NELL2: variants seen among roughly 807,000 people sequenced by gnomAD.
The protein encoded by NELL2 is protein kinase C-binding protein NELL2.
Under a neutral mutation model 109.6 loss-of-function variants are expected in NELL2, and 41 were observed. The ratio of observed to expected loss-of-function variants is 0.37; its 90% CI spans 0.29 to 0.49. The LOEUF is 0.49. Ranked by LOEUF, NELL2 falls within the 20% of genes least tolerant of loss-of-function variation. The probability of loss-of-function intolerance (pLI) is 0.98; values close to 1 mark genes in which losing one functional copy is unlikely to be tolerated. For missense variants in NELL2, 900 were observed against 1,008.3 expected (o/e 0.89, Z 1.45); for synonymous variants, 355 against 344.7 (o/e 1.03, Z -0.33).
chr12:44,585,955 C>T (rs1329700354), intron 15 of NELL2, among the ~76,000 whole-genome samples: 3 of 150,578 alleles, frequency 2.0e-5, no homozygotes, highest in Non-Finnish European at 4.4e-5. Context: ...CTTATAGATT[C>T]TTTCAGTATA....
At chr12:44,578,479 G>GA (rs1413897394) in intron 15 of NELL2, among the ~76,000 whole-genome samples, 3 of 151,990 alleles carry the variant, frequency 2.0e-5, no homozygotes, top group African/African-American at 7.2e-5. Context: ...AGAGAAATAG[G>GA]AAAATGCCTT....
chr12:44,779,522 G>T, intron 5 of NELL2, 141 bp downstream of exon 5: 3 of 668,940 alleles, frequency 4.5e-6, no homozygotes, highest in East Asian at 2.7e-5. Flanking sequence ...AAATATTACT[G>T]TTTAAAAAAA....
intron 15 of NELL2, among the ~76,000 whole-genome samples, chr12:44,587,309 T>TATATCTATATATATATATA (rs1565974434): frequency 1.4e-5 from 1 of 69,596 alleles, no homozygotes; most frequent in African/African-American, 5.4e-5. Flanking sequence ...ATATATATAT[T>TATATCTATATATATATATA]TTTTTTTAAA....
intron 15 of NELL2, among the ~76,000 whole-genome samples, chr12:44,554,712 T>C (rs1377334204): frequency 6.6e-6 from 1 of 152,210 alleles, no homozygotes; most frequent in Admixed American, 6.5e-5. Context: ...TGGTCTCTAA[T>C]GATTTACTGG....
Position 44,753,121 on chromosome 12 carries a change from C to G in NELL2, c.994+21626G>C, listed in dbSNP as rs373348562. ...GTCCTCCAAATAGTTACATGGCCGG[C>G]TCCTTCACTTAATTCAGGTCTCAGT... is the stretch of plus-strand genomic sequence containing the variant. On this transcript the variant is annotated intron_variant, in intron 9 of 19. Transcript: ENST00000429094. Among the ~76,000 whole-genome samples the G allele has an allele frequency of 3.7e-4, 57 of 152,282 alleles. No individual in the cohort carries two copies. The East Asian group carries it at 9.7e-3, about 26-fold the overall frequency.
intron 13 of NELL2, among the ~76,000 whole-genome samples, chr12:44,654,302 T>C (rs117132400): frequency 0.025 from 3,783 of 152,330 alleles, 67 homozygotes; most frequent in Non-Finnish European, 0.038. Flanking sequence ...ACACAGTTCC[T>C]ACACCATACA....
intron 3 of NELL2, among the ~76,000 whole-genome samples, chr12:44,785,213 C>A (rs974836081): frequency 6.6e-6 from 1 of 152,172 alleles, no homozygotes; most frequent in African/African-American, 2.4e-5. Flanking sequence ...GTGCAAAGAT[C>A]ACAAGCATTC....
intron 9 of NELL2, among the ~76,000 whole-genome samples, chr12:44,753,964 A>G (rs1002559043): frequency 2.6e-5 from 4 of 152,208 alleles, no homozygotes; most frequent in African/African-American, 9.6e-5. Flanking sequence ...AGCCATCTAG[A>G]GTTGCAAAAA....
intron 2 of NELL2, among the ~76,000 whole-genome samples, chr12:44,842,585 T>C (rs1944260874): frequency 6.6e-6 from 1 of 152,154 alleles, no homozygotes; most frequent in Admixed American, 6.5e-5. Flanking sequence ...TAAAAATAGA[T>C]AAACTGTATT....
chr12:44,897,508 C>G (rs575588029), intron 1 of NELL2, among the ~76,000 whole-genome samples: 1 of 152,180 alleles, frequency 6.6e-6, no homozygotes, highest in African/African-American at 2.4e-5. Context: ...ACCAAGGAAG[C>G]GCAAGGGGTT....
upstream of NELL2, among the ~76,000 whole-genome samples, chr12:44,877,321 T>C (rs1164243789): frequency 2.0e-5 from 3 of 152,228 alleles, no homozygotes; most frequent in African/African-American, 7.2e-5. Context: ...GATCCATTTT[T>C]CAGCAGGCAC....
At chr12:44,638,423 G>T (rs1946728893) in intron 13 of NELL2, among the ~76,000 whole-genome samples, 1 of 152,120 alleles carries the variant, frequency 6.6e-6, no homozygotes. Flanking sequence ...ATTTTCTGTG[G>T]TGATTAGCTT....
At chr12:44,623,324 G>A (rs1319027101) in intron 13 of NELL2, among the ~76,000 whole-genome samples, 1 of 152,022 alleles carries the variant, frequency 6.6e-6, no homozygotes, top group Non-Finnish European at 1.5e-5. Flanking sequence ...AGCAAGTAAT[G>A]GCTAACTTAC....
chr12:44,742,055 C>A (rs1940005509), intron 9 of NELL2, among the ~76,000 whole-genome samples: 2 of 152,162 alleles, frequency 1.3e-5, no homozygotes, highest in Admixed American at 1.3e-4. Flanking sequence ...CTGGGAGGCA[C>A]CCCCCAGTAG....
At chr12:44,786,984 T>C (rs1942202776) in intron 3 of NELL2, among the ~76,000 whole-genome samples, 1 of 152,102 alleles carries the variant, frequency 6.6e-6, no homozygotes, top group South Asian at 2.1e-4. Context: ...ATGGCACATG[T>C]ATACCTATGT....
chr12:44,538,595 G>A (rs1409171089), intron 15 of NELL2, among the ~76,000 whole-genome samples: 1 of 152,216 alleles, frequency 6.6e-6, no homozygotes, highest in Admixed American at 6.5e-5. Flanking sequence ...GGGAAGAACA[G>A]GTGAGCAGCT....
At chr12:44,577,473 T>TG (rs1401931515) in intron 15 of NELL2, among the ~76,000 whole-genome samples, 1 of 126,578 alleles carries the variant, frequency 7.9e-6, no homozygotes, top group African/African-American at 3.6e-5. Flanking sequence ...TAGTTTTTTT[T>TG]TTTTTTTTTT....
chr12:44,807,930 GA>G (rs1943056468), intron 3 of NELL2, among the ~76,000 whole-genome samples: 1 of 152,060 alleles, frequency 6.6e-6, no homozygotes, highest in South Asian at 2.1e-4. Flanking sequence ...AGGGAGCGAA[GA>G]GAGTAGATGT....
chr12:44,747,105 A>G (rs1940406723), intron 9 of NELL2, among the ~76,000 whole-genome samples: 1 of 152,220 alleles, frequency 6.6e-6, no homozygotes, highest in Admixed American at 6.5e-5. Flanking sequence ...TACACCATGG[A>G]ATACTATGCA....
Sources: allele counts gnomAD v4.1 joint callset (sites outside exome capture counted in the v4.1 genomes callset), GRCh38; gene constraint gnomAD v4.1.1; transcripts MANE v1.5; gene names NCBI Gene and HGNC (gene_info 2026-07-23, HGNC 2026-07-21).